The following KLHL4 variants were observed in gnomAD, a reference collection of about 807,000 sequenced individuals.
KLHL4 encodes the protein kelch like family member 4.
KLHL4 carries 17 observed loss-of-function variants against 45.8 expected under a neutral mutation model. The ratio of observed to expected loss-of-function variants is 0.37; its 90% CI spans 0.25 to 0.56. The LOEUF is 0.56. Among genes scored for constraint, KLHL4 ranks in the 20% least tolerant of loss-of-function variants. The probability of loss-of-function intolerance (pLI) is 0.79; values close to 1 mark genes in which losing one functional copy is unlikely to be tolerated. For synonymous variants in KLHL4, 224 were observed against 189.9 expected (o/e 1.18, Z -1.47); for missense variants, 544 against 544.9 (o/e 1.00, Z 0.02).
At chrX:87,552,071 T>C (rs1931838879) in intron 1 of KLHL4, among the ~76,000 whole-genome samples, 1 of 111,423 alleles carries the variant, frequency 9.0e-6, no homozygotes, top group Non-Finnish European at 1.9e-5. Flanking sequence ...TAAAGAGCTT[T>C]TGCATGGCAA....
intron 1 of KLHL4, among the ~76,000 whole-genome samples, chrX:87,518,874 C>T (rs1376431861): frequency 8.9e-6 from 1 of 111,936 alleles, no homozygotes; most frequent in Non-Finnish European, 1.9e-5. Context: ...TTTTTGCAAG[C>T]ATGAAAATAT....
In KLHL4 at chrX:87,633,762, T is replaced by C. The variant is rs1157118194; in HGVS notation, c.1563T>C (p.Leu521=). The change falls in exon 8 of 11, where the codon CTT becomes CTC. Residue 521 remains leucine (L), a synonymous_variant. Coordinates refer to ENST00000373119, the MANE Select transcript of KLHL4 (RefSeq NM_019117.5). ...THRHGLGVAT[L]EGPMYAVGGH... ...TAATTTTTTTAGGTGTAGCCACTCT[T>C]GAAGGACCAATGTATGCTGTAGGTG... 8.4e-7 allele frequency: 1 copy of C among 1,191,988 alleles called. No individual in the cohort carries two copies. Among genetic ancestry groups the C allele is most frequent in the Non-Finnish European group, 1.1e-6 (1 of 886,040 alleles).
At chrX:87,637,447 C>T (rs923866065) in intron 9 of KLHL4, among the ~76,000 whole-genome samples, 6 of 111,411 alleles carry the variant, frequency 5.4e-5, no homozygotes, top group Middle Eastern at 4.6e-3. Flanking sequence ...CCCAAAAGAT[C>T]GCAGTAGCTC....
intron 1 of KLHL4, among the ~76,000 whole-genome samples, chrX:87,570,351 T>A (rs1328203486): frequency 9.0e-6 from 1 of 111,048 alleles, no homozygotes; most frequent in Non-Finnish European, 1.9e-5. Flanking sequence ...GATTGCCTGT[T>A]ATAAGTAGGG....
chrX:87,589,034 CAAG>C (rs966733812), intron 1 of KLHL4, among the ~76,000 whole-genome samples: 1 of 110,841 alleles, frequency 9.0e-6, no homozygotes, highest in African/African-American at 3.3e-5. Context: ...TAAAAAAAGA[CAAG>C]AAACAGTTAT....
chrX:87,552,449 G>A (rs1459726750), intron 1 of KLHL4, among the ~76,000 whole-genome samples: 1 of 111,215 alleles, frequency 9.0e-6, no homozygotes, highest in African/African-American at 3.3e-5. Flanking sequence ...CTACACTGCT[G>A]GTGGGAATGT....
At chrX:87,518,609 T>C (rs1192081646) in intron 1 of KLHL4, among the ~76,000 whole-genome samples, 3 of 111,999 alleles carry the variant, frequency 2.7e-5, no homozygotes, top group Non-Finnish European at 5.6e-5. Context: ...TAATGTTCTA[T>C]AAATACACTC....
At chrX:87,661,252 A>C (rs1924178343) in intron 9 of KLHL4, among the ~76,000 whole-genome samples, 1 of 111,967 alleles carries the variant, frequency 8.9e-6, no homozygotes, top group African/African-American at 3.2e-5. Flanking sequence ...GCTTCGTGGT[A>C]AAACTTACGT....
At chrX:87,643,935 G>A in intron 9 of KLHL4, among the ~76,000 whole-genome samples, 1 of 111,611 alleles carries the variant, frequency 9.0e-6, no homozygotes, top group Non-Finnish European at 1.9e-5. Context: ...CAAACCCACA[G>A]CCAACACAAT....
chrX:87,592,427 A>G (rs759144012), intron 1 of KLHL4, among the ~76,000 whole-genome samples: 1 of 111,410 alleles, frequency 9.0e-6, no homozygotes, highest in East Asian at 2.8e-4. Context: ...GTTTTTCTAG[A>G]GACAGCCATA....
chrX:87,591,521 G>C (rs942681745), intron 1 of KLHL4, among the ~76,000 whole-genome samples: 8 of 111,171 alleles, frequency 7.2e-5, no homozygotes, highest in African/African-American at 2.3e-4. Context: ...CTGTTGAGTT[G>C]TTTGGCTCCT....
At chrX:87,593,721 T>G (rs1921749609) in intron 1 of KLHL4, among the ~76,000 whole-genome samples, 1 of 110,952 alleles carries the variant, frequency 9.0e-6, no homozygotes, top group African/African-American at 3.3e-5. Context: ...TTTCTATTGA[T>G]GATCTTTCAA....
intron 6 of KLHL4, 134 bp from the exon 7 acceptor site, chrX:87,632,076 G>A: frequency 2.3e-6 from 1 of 429,772 alleles, no homozygotes; most frequent in Non-Finnish European, 4.1e-6. Context: ...AATTACCTGA[G>A]CTACTTACTT....
At chrX:87,536,227 A>T (rs1931425160) in intron 1 of KLHL4, among the ~76,000 whole-genome samples, 2 of 111,462 alleles carry the variant, frequency 1.8e-5, no homozygotes, top group South Asian at 7.5e-4. Context: ...GTTCTCTGAA[A>T]ATTAACCAAC....
chrX:87,571,802 A>G (rs1308004149), intron 1 of KLHL4, among the ~76,000 whole-genome samples: 1 of 110,957 alleles, frequency 9.0e-6, no homozygotes, highest in Non-Finnish European at 1.9e-5. Flanking sequence ...CATTTTTCTC[A>G]TGAGTGTATT....
intron 6 of KLHL4, among the ~76,000 whole-genome samples, chrX:87,631,425 C>T (rs1408428427): frequency 1.8e-5 from 2 of 112,003 alleles, no homozygotes; most frequent in Non-Finnish European, 3.8e-5. Context: ...TTCTTTTGAC[C>T]TCACTATCTG....
At chrX:87,552,237 G>T (rs1443688733) in intron 1 of KLHL4, among the ~76,000 whole-genome samples, 1 of 110,650 alleles carries the variant, frequency 9.0e-6, no homozygotes, top group East Asian at 2.8e-4. Flanking sequence ...CTAAGGACAT[G>T]AATAGAGAAT....
At chrX:87,570,465 T>C (rs1319375478) in intron 1 of KLHL4, among the ~76,000 whole-genome samples, 3 of 110,630 alleles carry the variant, frequency 2.7e-5, no homozygotes, top group African/African-American at 9.8e-5. Context: ...ATACTGAGAA[T>C]GACCGTATCA....
chrX:87,522,899 C>T (rs918318050), intron 1 of KLHL4, among the ~76,000 whole-genome samples: 3 of 111,282 alleles, frequency 2.7e-5, no homozygotes, highest in South Asian at 3.8e-4. Flanking sequence ...CTTGACAGTA[C>T]GGTATCACGT....
Sources: allele counts gnomAD v4.1 joint callset (sites outside exome capture counted in the v4.1 genomes callset), GRCh38; gene constraint gnomAD v4.1.1; transcripts MANE v1.5; gene names NCBI Gene and HGNC (gene_info 2026-07-23, HGNC 2026-07-21).